RNF150: variants seen among roughly 807,000 people sequenced by gnomAD.
RNF150 encodes the protein ring finger protein 150.
RNF150 carries 24 observed loss-of-function variants against 39.3 expected under a neutral mutation model. That is an observed-to-expected ratio of 0.61 (90% CI 0.44 to 0.86). The LOEUF (loss-of-function observed/expected upper bound fraction) is 0.86, where lower values mean the gene tolerates loss of function less well. RNF150 is among the 40% of genes least tolerant of loss of function. RNF150 has a pLI of 0.00. For missense variants in RNF150, 502 were observed against 587.8 expected (o/e 0.85, Z 1.51); for synonymous variants, 255 against 227.3 (o/e 1.12, Z -1.10).
At chr4:141,127,245 T>C (rs1309765866) in intron 1 of RNF150, among the ~76,000 whole-genome samples, 1 of 152,146 alleles carries the variant, frequency 6.6e-6, no homozygotes, top group Non-Finnish European at 1.5e-5. Flanking sequence ...TATTTCACAG[T>C]GTTGTTGTAA....
chr4:141,008,501 C>A (rs1419884235), intron 1 of RNF150, among the ~76,000 whole-genome samples: 1 of 152,120 alleles, frequency 6.6e-6, no homozygotes, highest in South Asian at 2.1e-4. Flanking sequence ...CCTAAGGTTA[C>A]AAAATATACA....
intron 4 of RNF150, among the ~76,000 whole-genome samples, chr4:140,930,663 T>C (rs934196689): frequency 2.0e-5 from 3 of 152,242 alleles, no homozygotes; most frequent in Non-Finnish European, 2.9e-5. Context: ...CCTCCTGCAT[T>C]GGCTCATCAT....
intron 1 of RNF150, among the ~76,000 whole-genome samples, chr4:141,154,554 C>T (rs879411611): frequency 6.6e-6 from 1 of 152,126 alleles, no homozygotes; most frequent in Non-Finnish European, 1.5e-5. Flanking sequence ...CAAGTGGAGG[C>T]CAATTTCTCT....
intron 1 of RNF150, among the ~76,000 whole-genome samples, chr4:141,171,274 C>T (rs925086322): frequency 6.6e-6 from 1 of 152,188 alleles, no homozygotes; most frequent in African/African-American, 2.4e-5. Flanking sequence ...TCTTCTCATG[C>T]TTCCCTGAGA....
intron 2 of RNF150, among the ~76,000 whole-genome samples, chr4:140,949,685 A>C (rs914419446): frequency 4.2e-4 from 18 of 42,752 alleles, no homozygotes; most frequent in Admixed American, 1.2e-3. Context: ...CCCCCCCCCA[A>C]AAAAAAATGA....
chr4:140,880,665 G>GT lies in RNF150; in HGVS notation c.1199-12287dup, dbSNP rs939416510. On this transcript the variant is annotated intron_variant, in intron 6 of 6. Coordinates refer to ENST00000515673, the MANE Select transcript of RNF150 (RefSeq NM_020724.2). The stretch of plus-strand genomic sequence containing the variant: ...TTTTTTTTTGTTTGTTTGTTTGTTT[G>GT]TTTGTTTTAAACAAAAGGTCTTTTT... Among the ~76,000 whole-genome samples, 179 of 148,782 alleles carry GT rather than the reference G, an allele frequency of 1.2e-3. 1 individual carries two copies. Among genetic ancestry groups the GT allele is most frequent in the Admixed American group, 2.4e-3 (36 of 14,898 alleles).
At chr4:141,073,644 A>G (rs1448519202) in intron 1 of RNF150, among the ~76,000 whole-genome samples, 1 of 136,128 alleles carries the variant, frequency 7.3e-6, no homozygotes, top group African/African-American at 2.6e-5. Context: ...GTGGCCAGCA[A>G]TTAATACAAT....
intron 1 of RNF150, among the ~76,000 whole-genome samples, chr4:141,131,062 C>T (rs2111107739): frequency 6.6e-6 from 1 of 152,272 alleles, no homozygotes; most frequent in South Asian, 2.1e-4. Context: ...GACAAATTTC[C>T]CTGACTAAAA....
Position 140,962,015 on chromosome 4 carries a change from A to G in RNF150, c.735+5608T>C, listed in dbSNP as rs373068004. On this transcript the variant is annotated intron_variant, in intron 2 of 6. Coordinates refer to ENST00000515673, the MANE Select transcript of RNF150 (RefSeq NM_020724.2). ...TAAATTATCACAGGCCCAAAAATAC[A>G]GGGATGCCATTTCTAATATCATCGT... 2.6e-4 allele frequency among the ~76,000 whole-genome samples: 39 copies of G among 151,942 alleles called. No individual in the cohort carries two copies. In the East Asian group the frequency reaches 5.8e-3, roughly 23 times the overall value.
intron 1 of RNF150, among the ~76,000 whole-genome samples, chr4:141,070,270 T>C (rs1737639672): frequency 6.6e-6 from 1 of 152,144 alleles, no homozygotes; most frequent in Non-Finnish European, 1.5e-5. Flanking sequence ...CCTAAAACCA[T>C]AAAAACCTTA....
intron 1 of RNF150, among the ~76,000 whole-genome samples, chr4:141,049,330 A>G (rs1004910396): frequency 2.0e-5 from 3 of 151,886 alleles, no homozygotes; most frequent in Non-Finnish European, 4.4e-5. Context: ...GAGGTGACAT[A>G]CTCAAGAGGA....
At chr4:140,911,024 G>T in intron 6 of RNF150, 120 bp downstream of exon 6, 3 of 785,984 alleles carry the variant, frequency 3.8e-6, no homozygotes, top group African/African-American at 1.7e-5. Flanking sequence ...TATAACTGAT[G>T]AACCTAGCAA....
intron 1 of RNF150, among the ~76,000 whole-genome samples, chr4:141,048,229 A>G (rs1736653736): frequency 6.6e-6 from 1 of 152,250 alleles, no homozygotes; most frequent in African/African-American, 2.4e-5. Context: ...TTGGCTGAGC[A>G]TAAGTGGGGA....
chr4:140,918,833 C>T (rs1168504700), intron 5 of RNF150, among the ~76,000 whole-genome samples: 1 of 152,112 alleles, frequency 6.6e-6, no homozygotes, highest in African/African-American at 2.4e-5. Context: ...AAAGCTTATC[C>T]ACCATGATCA....
chr4:141,065,147 G>C (rs1330744880), intron 1 of RNF150, among the ~76,000 whole-genome samples: 1 of 152,182 alleles, frequency 6.6e-6, no homozygotes, highest in African/African-American at 2.4e-5. Flanking sequence ...TTACAGACAT[G>C]AGCCACCACA....
At chr4:141,126,780 A>T (rs1726766069) in intron 1 of RNF150, among the ~76,000 whole-genome samples, 2 of 152,216 alleles carry the variant, frequency 1.3e-5, no homozygotes, top group African/African-American at 4.8e-5. Context: ...TAAATTTTAG[A>T]GCTGAAATAC....
chr4:141,020,984 G>A (rs573361569), intron 1 of RNF150, among the ~76,000 whole-genome samples: 1 of 152,154 alleles, frequency 6.6e-6, no homozygotes, highest in African/African-American at 2.4e-5. Context: ...GAGGAAAGGA[G>A]ACCTCAGAAT....
At chr4:141,117,152 AT>A (rs1450406004) in intron 1 of RNF150, among the ~76,000 whole-genome samples, 11 of 152,340 alleles carry the variant, frequency 7.2e-5, no homozygotes, top group African/African-American at 1.4e-4. Context: ...TAATAAAAAA[AT>A]ATATACGTAC....
At chr4:140,997,297 A>T (rs1734409784) in intron 1 of RNF150, among the ~76,000 whole-genome samples, 1 of 152,206 alleles carries the variant, frequency 6.6e-6, no homozygotes. Context: ...CATACTATCA[A>T]ATATTTTACA....
Sources: gnomAD v4.1 joint callset for allele counts (sites outside exome capture counted in the v4.1 genomes callset) on GRCh38, gnomAD v4.1.1 for gene constraint, MANE v1.5 for transcripts, NCBI Gene and HGNC (gene_info 2026-07-23, HGNC 2026-07-21) for gene names.